Variants in PXDNL observed in about 807,000 individuals in gnomAD.
PXDNL encodes the protein peroxidasin like, also known as probable oxidoreductase PXDNL.
In PXDNL, 145 loss-of-function variants were observed where a neutral mutation model predicts 150.8. The ratio of observed to expected loss-of-function variants is 0.96; its 90% CI spans 0.84 to 1.10. PXDNL has a LOEUF of 1.10. PXDNL is among the 50% of genes least tolerant of loss of function. PXDNL has a pLI of 0.00. For synonymous variants in PXDNL, 757 were observed against 725.7 expected, an observed-to-expected ratio of 1.04 and a Z score of -0.69; for missense variants, 2,087 against 1,873.9, an observed-to-expected ratio of 1.11 and a Z score of -2.10.
rs867339210 is a variant in PXDNL at position 51,644,318 on chromosome 8, T to A, written c.236+10371A>T. On this transcript the variant is annotated intron_variant, in intron 2 of 22. Transcript: ENST00000356297. ...TAAACCCTGTAGCAAAGGCACATTT[T>A]TACATATATATATATATATACACAC... Among the ~76,000 whole-genome samples the A allele has an allele frequency of 2.1e-4, 13 of 63,298 alleles. 1 individual carries two copies. Among genetic ancestry groups the A allele is most frequent in the South Asian group, 7.7e-4 (1 of 1,302 alleles). 41.5% of individuals were successfully genotyped at this position (63,298 alleles called of 152,430 possible).
intron 17 of PXDNL, among the ~76,000 whole-genome samples, chr8:51,378,189 C>G (rs1008259102): frequency 3.4e-5 from 5 of 146,950 alleles, no homozygotes; most frequent in African/African-American, 1.0e-4. Flanking sequence ...AGCTCAAGGT[C>G]TGTAAATGCA....
At chr8:51,644,659 G>T (rs1041784759) in intron 2 of PXDNL, among the ~76,000 whole-genome samples, 1 of 151,192 alleles carries the variant, frequency 6.6e-6, no homozygotes, top group Non-Finnish European at 1.5e-5. Flanking sequence ...GGGTTTCACC[G>T]TGTTAGCCAG....
chr8:51,563,215 T>C (rs558584245), intron 3 of PXDNL, among the ~76,000 whole-genome samples: 72 of 152,072 alleles, frequency 4.7e-4, no homozygotes, highest in African/African-American at 1.5e-3. Flanking sequence ...GCTTGAACAA[T>C]AGCAATTTAT....
In PXDNL at chr8:51,581,718, C is replaced by A. The variant is rs141959572; in HGVS notation, c.308+10909G>T. Among the ~76,000 whole-genome samples, 10 of 152,082 alleles carry A rather than the reference C, an allele frequency of 6.6e-5. No homozygotes were observed. The East Asian group carries it at 7.8e-4, about 12-fold the overall frequency. ...TCCTTGCCTGGCTTTGATTTCAGAG[C>A]AATTCTGGTCTCATAAAAGCAGTTT... On this transcript the variant is annotated intron_variant, in intron 3 of 22. Coordinates refer to ENST00000356297, the MANE Select transcript of PXDNL (RefSeq NM_144651.5).
chr8:51,757,894 T>C (rs1389542604), intron 1 of PXDNL, among the ~76,000 whole-genome samples: 1 of 151,870 alleles, frequency 6.6e-6, no homozygotes, highest in Non-Finnish European at 1.5e-5. Context: ...ATGAACTTAT[T>C]CTAAGTGATC....
chr8:51,689,754 G>A (rs934138961), intron 1 of PXDNL, among the ~76,000 whole-genome samples: 1 of 152,194 alleles, frequency 6.6e-6, no homozygotes, highest in African/African-American at 2.4e-5. Context: ...ATAACATAGA[G>A]AGGAGCATGG....
intron 21 of PXDNL, among the ~76,000 whole-genome samples, chr8:51,334,242 G>A (rs1805775252): frequency 6.6e-6 from 1 of 152,056 alleles, no homozygotes. Flanking sequence ...ACAAAATCAA[G>A]ATGGAAATTA....
intron 1 of PXDNL, among the ~76,000 whole-genome samples, chr8:51,677,855 C>T (rs143619365): frequency 9.9e-4 from 151 of 152,282 alleles, no homozygotes; most frequent in African/African-American, 3.4e-3. Flanking sequence ...TTTAACTCCT[C>T]AAGTATTTGG....
chr8:51,782,608 C>T (rs781053820), intron 1 of PXDNL, among the ~76,000 whole-genome samples: 17 of 152,202 alleles, frequency 1.1e-4, no homozygotes, highest in Non-Finnish European at 1.5e-4. Context: ...CTTACAGATG[C>T]TTCTTAATCT....
rs566734623 is a variant in PXDNL, at chr8:51,357,911, T to A, written c.3902-11964A>T. Among the ~76,000 whole-genome samples the A allele has an allele frequency of 2.1e-3, 317 of 152,304 alleles. 2 individuals are homozygous for A. Among genetic ancestry groups the A allele is most frequent in the African/African-American group, 7.3e-3 (303 of 41,570 alleles). ...AAGACCTTGATGAATTATAATGTTC[T>A]GAAAGAAAAACTGATAAGTAAAATC... is the stretch of plus-strand genomic sequence containing the variant. On this transcript the variant is annotated intron_variant, in intron 19 of 22. Coordinates refer to ENST00000356297, the MANE Select transcript of PXDNL (RefSeq NM_144651.5).
At chr8:51,406,242 T>A (rs1384788177) in intron 17 of PXDNL, among the ~76,000 whole-genome samples, 1 of 152,212 alleles carries the variant, frequency 6.6e-6, no homozygotes, top group Non-Finnish European at 1.5e-5. Flanking sequence ...TACCCCTAAC[T>A]TTTTCCAATC....
At chr8:51,384,088 G>A (rs1807628085) in intron 17 of PXDNL, among the ~76,000 whole-genome samples, 1 of 152,148 alleles carries the variant, frequency 6.6e-6, no homozygotes, top group African/African-American at 2.4e-5. Flanking sequence ...CTTTCTGAGA[G>A]ACATCTGGAT....
intron 2 of PXDNL, among the ~76,000 whole-genome samples, chr8:51,612,585 A>G (rs1163994848): frequency 1.3e-5 from 2 of 152,102 alleles, no homozygotes; most frequent in Non-Finnish European, 2.9e-5. Context: ...GGGAAGTGGG[A>G]CCTTTGAGAG....
At chr8:51,604,400 C>CA (rs1353440092) in intron 2 of PXDNL, among the ~76,000 whole-genome samples, 1 of 151,978 alleles carries the variant, frequency 6.6e-6, no homozygotes, top group Non-Finnish European at 1.5e-5. Flanking sequence ...ATCGCAAGGA[C>CA]AAAAAACCAA....
At chr8:51,324,619 T>G (rs1805428687) in intron 21 of PXDNL, among the ~76,000 whole-genome samples, 1 of 152,238 alleles carries the variant, frequency 6.6e-6, no homozygotes, top group Non-Finnish European at 1.5e-5. Context: ...CATCTTGTTT[T>G]TGTCTATGCT....
At chr8:51,498,044 A>C (rs1223353815) in intron 5 of PXDNL, among the ~76,000 whole-genome samples, 1 of 152,100 alleles carries the variant, frequency 6.6e-6, no homozygotes, top group African/African-American at 2.4e-5. Flanking sequence ...ATGTCCAACA[A>C]TGATAGACTG....
intron 1 of PXDNL, among the ~76,000 whole-genome samples, chr8:51,662,875 G>C (rs1815304943): frequency 6.6e-6 from 1 of 152,138 alleles, no homozygotes; most frequent in Admixed American, 6.5e-5. Context: ...AAAAACTAAG[G>C]GGTGCACATT....
intron 19 of PXDNL, among the ~76,000 whole-genome samples, chr8:51,351,724 C>T (rs1055901257): frequency 2.6e-5 from 4 of 152,194 alleles, no homozygotes; most frequent in African/African-American, 4.8e-5. Flanking sequence ...AGTTGGGCTA[C>T]ATTCTCATGT....
intron 1 of PXDNL, among the ~76,000 whole-genome samples, chr8:51,749,889 C>T (rs940655224): frequency 2.0e-5 from 3 of 152,002 alleles, no homozygotes; most frequent in East Asian, 3.9e-4. Context: ...TTAGTAGAGA[C>T]GGGGTTTCAC....
Sources: gnomAD v4.1 joint callset for allele counts (sites outside exome capture counted in the v4.1 genomes callset) on GRCh38, gnomAD v4.1.1 for gene constraint, MANE v1.5 for transcripts, NCBI Gene and HGNC (gene_info 2026-07-23, HGNC 2026-07-21) for gene names.